The following DLG2 variants were observed in gnomAD, a reference collection of about 807,000 sequenced individuals.
The protein encoded by DLG2 is disks large homolog 2.
DLG2 carries 45 observed loss-of-function variants against 132.5 expected under a neutral mutation model. The ratio of observed to expected loss-of-function variants is 0.34; its 90% CI spans 0.27 to 0.44. DLG2 has a LOEUF of 0.44. Ranked by LOEUF, DLG2 falls within the 20% of genes least tolerant of loss-of-function variation. The pLI, the probability that DLG2 is intolerant of heterozygous loss-of-function variation, is 1.00. For synonymous variants in DLG2, 424 were observed against 419.6 expected (o/e 1.01, Z -0.13); for missense variants, 1,045 against 1,196.9 (o/e 0.87, Z 1.87).
Position 85,134,446 on chromosome 11 carries a change from G to A in DLG2, c.282+20110C>T, listed in dbSNP as rs369474710. On this transcript the variant is annotated intron_variant, in intron 5 of 27. Coordinates refer to ENST00000376104, the MANE Select transcript of DLG2 (RefSeq NM_001142699.3). ...TGGGAGGCTGAGGCAGGAGAATGGC[G>A]TGAACCCGGGAGGCGGAGCTTGCAG... Among the ~76,000 whole-genome samples the A allele has an allele frequency of 2.1e-5, 3 of 142,482 alleles. No individual in the cohort carries two copies. The East Asian group carries it at 6.1e-4, about 29-fold the overall frequency. 93.5% of individuals were successfully genotyped at this position (142,482 alleles called of 152,430 possible). A position where few individuals can be genotyped will look rare whatever the true frequency, so the allele number is the denominator to read the frequency against.
intron 18 of DLG2, among the ~76,000 whole-genome samples, chr11:83,698,795 C>T (rs570730855): frequency 6.6e-6 from 1 of 152,160 alleles, no homozygotes; most frequent in East Asian, 1.9e-4. Flanking sequence ...TATGTTATCT[C>T]TTCCACATCC....
chr11:84,942,422 T>A (rs1318111612), intron 6 of DLG2, among the ~76,000 whole-genome samples: 4 of 152,174 alleles, frequency 2.6e-5, no homozygotes, highest in Admixed American at 2.0e-4. Context: ...TGGTATATTC[T>A]GTCTCCATTT....
At chr11:83,967,798 C>T (rs551416084) in intron 12 of DLG2, among the ~76,000 whole-genome samples, 4 of 152,270 alleles carry the variant, frequency 2.6e-5, no homozygotes, top group South Asian at 4.1e-4. Flanking sequence ...TTGTCAATGA[C>T]AAGGTCAAGG....
At chr11:83,893,132 T>G (rs2070467171) in intron 15 of DLG2, among the ~76,000 whole-genome samples, 1 of 152,220 alleles carries the variant, frequency 6.6e-6, no homozygotes, top group Admixed American at 6.5e-5. Flanking sequence ...CCCTACCTCT[T>G]CAGTGCTACC....
intron 6 of DLG2, among the ~76,000 whole-genome samples, chr11:84,703,403 G>A (rs1195947674): frequency 6.6e-6 from 1 of 151,388 alleles, no homozygotes; most frequent in Non-Finnish European, 1.5e-5. Flanking sequence ...CAAAGCCATA[G>A]GATAATGAAG....
At chr11:84,320,777 T>C (rs1000791944) in intron 7 of DLG2, among the ~76,000 whole-genome samples, 2 of 152,178 alleles carry the variant, frequency 1.3e-5, no homozygotes, top group African/African-American at 4.8e-5. Context: ...GAGGATTTAA[T>C]AGAAGGTAGA....
intron 18 of DLG2, among the ~76,000 whole-genome samples, chr11:83,729,566 T>C (rs994037215): frequency 5.3e-5 from 8 of 152,154 alleles, no homozygotes; most frequent in African/African-American, 1.9e-4. Flanking sequence ...GGACTATAAA[T>C]CACATCACCT....
rs553615704 is a variant in DLG2 at position 84,109,862 on chromosome 11, T to C, written c.625-10815A>G. Among the ~76,000 whole-genome samples the C allele has an allele frequency of 1.5e-4, 23 of 152,280 alleles. No homozygotes were observed. In the South Asian group the frequency reaches 2.5e-3, roughly 16 times the overall value. On this transcript the variant is annotated intron_variant, in intron 9 of 27. Coordinates refer to ENST00000376104, the MANE Select transcript of DLG2 (RefSeq NM_001142699.3). ...GAATGCTCAACAATTCTTATTACCA[T>C]AGCAAGAAATCTGATAGTCATCCTT...
intron 7 of DLG2, among the ~76,000 whole-genome samples, chr11:84,308,423 A>G (rs966364644): frequency 2.0e-5 from 3 of 152,144 alleles, no homozygotes; most frequent in Admixed American, 6.5e-5. Flanking sequence ...GTGTATTTAC[A>G]ATCCCTTAGC....
At chr11:83,521,714 C>T (rs554863830) in intron 21 of DLG2, among the ~76,000 whole-genome samples, 1 of 152,202 alleles carries the variant, frequency 6.6e-6, no homozygotes, top group African/African-American at 2.4e-5. Context: ...TATTCAGGGT[C>T]CCCCACATGT....
At chr11:83,965,177 T>C in intron 13 of DLG2, 147 bp downstream of exon 13, 1 of 820,054 alleles carries the variant, frequency 1.2e-6, no homozygotes, top group African/African-American at 1.8e-5. Context: ...CAAGGCAACA[T>C]AGGAGTGGAG....
chr11:84,366,848 C>G (rs572191520), intron 7 of DLG2, among the ~76,000 whole-genome samples: 1 of 152,212 alleles, frequency 6.6e-6, no homozygotes, highest in South Asian at 2.1e-4. Context: ...CTTAGACTCC[C>G]ACACATTAAT....
intron 6 of DLG2, among the ~76,000 whole-genome samples, chr11:84,993,759 G>T (rs1306541084): frequency 2.0e-5 from 3 of 152,168 alleles, no homozygotes; most frequent in Non-Finnish European, 4.4e-5. Context: ...AGCCTCACTA[G>T]CTAATCAGGG....
chr11:83,882,910 T>C (rs1460677586), intron 15 of DLG2, among the ~76,000 whole-genome samples: 1 of 152,186 alleles, frequency 6.6e-6, no homozygotes, highest in Non-Finnish European at 1.5e-5. Context: ...ACAGCCAGAA[T>C]GTGGTTAAGG....
intron 11 of DLG2, among the ~76,000 whole-genome samples, chr11:84,005,704 G>T (rs943136951): frequency 1.3e-5 from 2 of 151,392 alleles, no homozygotes; most frequent in Non-Finnish European, 3.0e-5. Flanking sequence ...CTCAAAAGAT[G>T]ACATTCAAAT....
intron 4 of DLG2, among the ~76,000 whole-genome samples, chr11:85,248,340 T>A (rs2076236212): frequency 6.6e-6 from 1 of 152,150 alleles, no homozygotes; most frequent in African/African-American, 2.4e-5. Flanking sequence ...ATTGAGATCA[T>A]TATTATTTTA....
chr11:84,625,090 G>C (rs960981092), intron 6 of DLG2, among the ~76,000 whole-genome samples: 2 of 151,274 alleles, frequency 1.3e-5, no homozygotes, highest in Non-Finnish European at 2.9e-5. Context: ...TCGATCTCCT[G>C]ACCTCGTGAT....
intron 3 of DLG2, among the ~76,000 whole-genome samples, chr11:85,583,600 G>A (rs1028151537): frequency 6.6e-6 from 1 of 152,152 alleles, no homozygotes; most frequent in African/African-American, 2.4e-5. Flanking sequence ...TGATGTAAAA[G>A]TGAAATGTTT....
chr11:85,261,801 G>T (rs1170501110), intron 4 of DLG2, among the ~76,000 whole-genome samples: 4 of 152,110 alleles, frequency 2.6e-5, no homozygotes, highest in Non-Finnish European at 5.9e-5. Flanking sequence ...AGTGTGTGAT[G>T]AGGAGAAGGG....
Sources: gnomAD v4.1 joint callset for allele counts (sites outside exome capture counted in the v4.1 genomes callset) on GRCh38, gnomAD v4.1.1 for gene constraint, MANE v1.5 for transcripts, NCBI Gene and HGNC (gene_info 2026-07-23, HGNC 2026-07-21) for gene names.